The following GREM2 variants were observed in gnomAD, a reference collection of about 807,000 sequenced individuals.
GREM2 encodes the protein gremlin 2, DAN family BMP antagonist.
Under a neutral mutation model 14.2 loss-of-function variants are expected in GREM2, and 11 were observed. That is an observed-to-expected ratio of 0.78 (90% CI 0.49 to 1.28). The LOEUF is 1.28. GREM2 is among the 50% of genes most tolerant of loss of function. The probability of loss-of-function intolerance (pLI) is 0.00; values close to 1 mark genes in which losing one functional copy is unlikely to be tolerated. For synonymous variants in GREM2, 98 were observed against 97.6 expected (o/e 1.00, Z -0.02); for missense variants, 210 against 218.5 (o/e 0.96, Z 0.24).
At chr1:240,526,881 T>A (rs1678235081) in intron 1 of GREM2, among the ~76,000 whole-genome samples, 1 of 152,232 alleles carries the variant, frequency 6.6e-6, no homozygotes, top group Non-Finnish European at 1.5e-5. Flanking sequence ...TATGAAGAGA[T>A]GGCTTAAGGG....
intron 1 of GREM2, among the ~76,000 whole-genome samples, chr1:240,594,684 T>A (rs1309951871): frequency 6.6e-6 from 1 of 151,874 alleles, no homozygotes; most frequent in African/African-American, 2.4e-5. Context: ...AAAACTAAGT[T>A]CAGAGTCAAA....
chr1:240,599,652 C>T (rs1679883665), intron 1 of GREM2, among the ~76,000 whole-genome samples: 1 of 152,164 alleles, frequency 6.6e-6, no homozygotes, highest in South Asian at 2.1e-4. Context: ...GCAGAGAAGA[C>T]TGATCTTTTG....
intron 1 of GREM2, among the ~76,000 whole-genome samples, chr1:240,554,373 T>C (rs1430802404): frequency 6.7e-6 from 1 of 149,172 alleles, no homozygotes; most frequent in Non-Finnish European, 1.5e-5. Context: ...ACCCCGCCAC[T>C]GCACTCCAGC....
At chr1:240,563,008 G>A (rs886372228) in intron 1 of GREM2, among the ~76,000 whole-genome samples, 1 of 149,820 alleles carries the variant, frequency 6.7e-6, no homozygotes, top group Non-Finnish European at 1.5e-5. Flanking sequence ...GTATATGTGA[G>A]TGTATGTGTG....
intron 1 of GREM2, 133 bp from the exon 2 acceptor site, chr1:240,493,609 G>A: frequency 3.7e-6 from 4 of 1,084,832 alleles, no homozygotes; most frequent in Non-Finnish European, 5.1e-6. Flanking sequence ...CACGTAGCTT[G>A]CTGCAGGCTC....
At chr1:240,594,007 G>A (rs1461522634) in intron 1 of GREM2, among the ~76,000 whole-genome samples, 1 of 152,040 alleles carries the variant, frequency 6.6e-6, no homozygotes, top group Non-Finnish European at 1.5e-5. Context: ...AGGCTAGAGT[G>A]CAATGGCATG....
At chr1:240,494,763 T>A (rs1056833803) in intron 1 of GREM2, among the ~76,000 whole-genome samples, 1 of 151,912 alleles carries the variant, frequency 6.6e-6, no homozygotes, top group African/African-American at 2.4e-5. Context: ...TAGCCAGGCG[T>A]GGTGGCGGGC....
At chr1:240,532,918 TA>T (rs947769478) in intron 1 of GREM2, among the ~76,000 whole-genome samples, 1 of 152,252 alleles carries the variant, frequency 6.6e-6, no homozygotes, top group African/African-American at 2.4e-5. Context: ...ACACTCTTCA[TA>T]CTCTTCAAGT....
At chr1:240,579,041 C>G (rs959561146) in intron 1 of GREM2, among the ~76,000 whole-genome samples, 3 of 152,196 alleles carry the variant, frequency 2.0e-5, no homozygotes, top group East Asian at 1.9e-4. Context: ...GATGCTTTCT[C>G]TTTTCCCTTC....
rs1243299235 is a variant in GREM2, at chr1:240,611,899, G to GGAA, written c.-20_-18dup. On this transcript the variant is annotated 5_prime_UTR_variant, in exon 1 of 2. Coordinates refer to ENST00000318160, the MANE Select transcript of GREM2 (RefSeq NM_022469.4). ...AGCTGCGTACCTGCAATGACGTGATGGAAGCCTCCTCCTCGGGTCCCTTCT... is the reference window on the plus strand; with the variant it reads ...AGCTGCGTACCTGCAATGACGTGATGGAAGAAGCCTCCTCCTCGGGTCCCTTCT... The GGAA allele has an allele frequency of 2.0e-5, 3 of 152,768 alleles. No homozygotes were observed. The highest frequency in any genetic ancestry group is 7.2e-5 in the African/African-American group (3 of 41,420). 9.5% of individuals were successfully genotyped at this position (152,768 alleles called of 1,614,324 possible).
chr1:240,551,096 G>T (rs1021802050), intron 1 of GREM2, among the ~76,000 whole-genome samples: 1 of 152,148 alleles, frequency 6.6e-6, no homozygotes, highest in Non-Finnish European at 1.5e-5. Context: ...AAATTGAGCT[G>T]GTTTCTCATC....
rs116169987 is a variant in GREM2 at position 240,540,140 on chromosome 1, T to G, written c.-1-46664A>C. ...CTTTAATTGAAACCTAGTATTATTT[T>G]ATTCCTCTCTGCAGAGAGGAAACCC... is the stretch of plus-strand genomic sequence containing the variant. On this transcript the variant is annotated intron_variant, in intron 1 of 1. Coordinates refer to ENST00000318160, the MANE Select transcript of GREM2 (RefSeq NM_022469.4). The surrounding 1 kb of genome is among the most constrained non-coding windows in gnomAD (Gnocchi z 4.2). Among the ~76,000 whole-genome samples, 548 of 152,302 alleles carry G rather than the reference T, an allele frequency of 3.6e-3. 4 individuals carry two copies. Among genetic ancestry groups the G allele is most frequent in the African/African-American group, 0.013 (524 of 41,560 alleles).
Position 240,542,598 on chromosome 1 carries a change from A to G in GREM2, c.-1-49122T>C, listed in dbSNP as rs556409321. Among the ~76,000 whole-genome samples, 121 of 152,116 alleles carry G rather than the reference A, an allele frequency of 8.0e-4. No individual in the cohort carries two copies. The highest frequency in any genetic ancestry group is 2.9e-3 in the African/African-American group (120 of 41,496). On this transcript the variant is annotated intron_variant, in intron 1 of 1. Coordinates refer to ENST00000318160, the MANE Select transcript of GREM2 (RefSeq NM_022469.4). This position sits in a 1 kb window ranked among gnomAD's most constrained non-coding sequence, Gnocchi z 4.1. ...CCCCTGCACTCCAGCCTAGTGACAGAGCGAGACTCCATCTCAAAAATAAAT... is the reference window on the plus strand; with the variant it reads ...CCCCTGCACTCCAGCCTAGTGACAGGGCGAGACTCCATCTCAAAAATAAAT...
chr1:240,513,473 G>T (rs932839245), intron 1 of GREM2, among the ~76,000 whole-genome samples: 1 of 151,624 alleles, frequency 6.6e-6, no homozygotes, highest in African/African-American at 2.4e-5. Context: ...TACTCGGGAG[G>T]CTGAGGCAAG....
intron 1 of GREM2, chr1:240,530,417 C>T (rs927231276): frequency 4.6e-5 from 7 of 152,068 alleles, no homozygotes; most frequent in African/African-American, 9.7e-5. Flanking sequence ...ATTTCTGGTT[C>T]GCACACAAAA....
intron 1 of GREM2, among the ~76,000 whole-genome samples, chr1:240,499,671 T>A (rs1677520174): frequency 6.6e-6 from 1 of 152,222 alleles, no homozygotes; most frequent in African/African-American, 2.4e-5. Context: ...GGATCAGGGA[T>A]CATCCTCGCA....
At chr1:240,535,658 G>A (rs1484597321) in intron 1 of GREM2, among the ~76,000 whole-genome samples, 3 of 151,962 alleles carry the variant, frequency 2.0e-5, no homozygotes, top group Non-Finnish European at 4.4e-5. Context: ...AATTAGCCAG[G>A]TGTCACGGTG....
chr1:240,522,577 A>G (rs1428908769), intron 1 of GREM2, among the ~76,000 whole-genome samples: 4 of 152,176 alleles, frequency 2.6e-5, no homozygotes, highest in Non-Finnish European at 4.4e-5. Context: ...AGGCACCTCT[A>G]TGTTATCAGT....
chr1:240,599,348 G>A (rs1679876396), intron 1 of GREM2, among the ~76,000 whole-genome samples: 1 of 152,086 alleles, frequency 6.6e-6, no homozygotes, highest in Admixed American at 6.6e-5. Flanking sequence ...CCAGGTGGCT[G>A]CCTGGTTCTG....
Sources: allele counts gnomAD v4.1 joint callset (sites outside exome capture counted in the v4.1 genomes callset), GRCh38; gene constraint gnomAD v4.1.1; non-coding constraint Gnocchi (gnomAD v3.1); transcripts MANE v1.5; gene names NCBI Gene and HGNC (gene_info 2026-07-23, HGNC 2026-07-21).